Variants in TUSC3 observed in about 807,000 individuals in gnomAD.
TUSC3 encodes tumor suppressor candidate 3, also known as dolichyl-diphosphooligosaccharide--protein glycosyltransferase subunit TUSC3.
In TUSC3, 45 loss-of-function variants were observed where a neutral mutation model predicts 44.8. The observed-to-expected ratio is 1.00, with a 90% CI of 0.79 to 1.29. TUSC3 has a LOEUF of 1.29. TUSC3 is among the 50% of genes most tolerant of loss of function. The pLI, the probability that TUSC3 is intolerant of heterozygous loss-of-function variation, is 0.00. For missense variants in TUSC3, 519 were observed against 437.9 expected (o/e 1.19, Z -1.65); for synonymous variants, 212 against 152.9 (o/e 1.39, Z -2.85).
intron 1 of TUSC3, among the ~76,000 whole-genome samples, chr8:15,581,950 C>T (rs1452090755): frequency 2.7e-5 from 4 of 150,242 alleles, no homozygotes; most frequent in South Asian, 2.1e-4. Flanking sequence ...GCTGTGCTAG[C>T]AGTCAGCGAG....
At position 15,494,532 on chromosome 8, in the gene TUSC3, TG is replaced by T. The variant is rs376462659; in HGVS notation, n.189+11051del. 7.9e-5 allele frequency among the ~76,000 whole-genome samples: 12 copies of T among 152,272 alleles called. No individual in the cohort carries two copies. In the East Asian group the frequency reaches 1.9e-3, roughly 25 times the overall value. On this transcript the variant is annotated intron_variant and non_coding_transcript_variant, in intron 2 of 5. Coordinates refer to the TUSC3 transcript ENST00000503191. ...CGGGGTTTCACTGTGTTAGCCAGGA[TG>T]GTCTCAATCTCTTGACGTCGTGATC...
intron 1 of TUSC3, among the ~76,000 whole-genome samples, chr8:15,474,685 T>G (rs1317429982): frequency 6.6e-6 from 1 of 152,196 alleles, no homozygotes; most frequent in Admixed American, 6.5e-5. Context: ...AGTTAATACG[T>G]ATATTTGTTT....
chr8:15,499,772 C>G (rs991857495), intron 2 of TUSC3, among the ~76,000 whole-genome samples: 1 of 152,074 alleles, frequency 6.6e-6, no homozygotes, highest in Non-Finnish European at 1.5e-5. Context: ...CAGTCTTCTC[C>G]CTACACCATT....
Position 15,624,621 on chromosome 8 carries a change from C to G in TUSC3, c.308+1372C>G, listed in dbSNP as rs1270548909. Among the ~76,000 whole-genome samples the G allele has an allele frequency of 3.3e-5, 5 of 152,112 alleles. No individual in the cohort carries two copies. In the South Asian group the frequency reaches 8.3e-4, roughly 25 times the overall value. Reference sequence around the variant, plus strand: ...CTATGTATCATCTTTAATGAAGTATCTGTTCATAGTCTTCTGCCCCTTTCT... The same window carrying G: ...CTATGTATCATCTTTAATGAAGTATGTGTTCATAGTCTTCTGCCCCTTTCT... On this transcript the variant is annotated intron_variant, in intron 2 of 10. Transcript: ENST00000503731.
chr8:15,714,135 C>A (rs1339199601), intron 6 of TUSC3, among the ~76,000 whole-genome samples: 1 of 152,066 alleles, frequency 6.6e-6, no homozygotes, highest in Non-Finnish European at 1.5e-5. Flanking sequence ...TGGTACAAAG[C>A]ATTTTGAAGA....
At chr8:15,484,429 T>C (rs931945952) in intron 2 of TUSC3, among the ~76,000 whole-genome samples, 4 of 152,226 alleles carry the variant, frequency 2.6e-5, no homozygotes, top group African/African-American at 9.6e-5. Context: ...CTGAAGTAAA[T>C]AAACGCTTTT....
At chr8:15,588,072 A>T (rs561846799) in intron 1 of TUSC3, among the ~76,000 whole-genome samples, 26 of 152,066 alleles carry the variant, frequency 1.7e-4, no homozygotes, top group Non-Finnish European at 2.9e-4. Flanking sequence ...TTGGATAAAT[A>T]CTCAGTAGTG....
intron 6 of TUSC3, among the ~76,000 whole-genome samples, chr8:15,701,195 G>A (rs1202727470): frequency 6.6e-6 from 1 of 152,072 alleles, no homozygotes; most frequent in Non-Finnish European, 1.5e-5. Flanking sequence ...ATATTTCCCT[G>A]TAATAATCAA....
chr8:15,585,351 T>G (rs1803552168), intron 1 of TUSC3, among the ~76,000 whole-genome samples: 1 of 152,168 alleles, frequency 6.6e-6, no homozygotes, highest in African/African-American at 2.4e-5. Flanking sequence ...TGTAGCAGTT[T>G]CTTATTCTGA....
At chr8:15,734,079 A>C (rs974014799) in intron 7 of TUSC3, among the ~76,000 whole-genome samples, 2 of 152,280 alleles carry the variant, frequency 1.3e-5, no homozygotes, top group African/African-American at 4.8e-5. Flanking sequence ...TTCTGATTCT[A>C]GTTTCATTTG....
chr8:15,657,610 C>G (rs1037832232), intron 3 of TUSC3, among the ~76,000 whole-genome samples: 51 of 152,190 alleles, frequency 3.4e-4, no homozygotes, highest in Non-Finnish European at 6.8e-4. Flanking sequence ...TGCACCTCCC[C>G]TCTTCTTCTG....
At chr8:15,440,843 G>C (rs1443353138) in intron 1 of TUSC3, among the ~76,000 whole-genome samples, 1 of 152,146 alleles carries the variant, frequency 6.6e-6, no homozygotes, top group Non-Finnish European at 1.5e-5. Flanking sequence ...ACCAGCTTTA[G>C]GTTGGAGATG....
chr8:15,825,829 A>G, the TUSC3 span, among the ~76,000 whole-genome samples: 1 of 148,072 alleles, frequency 6.8e-6, no homozygotes, highest in African/African-American at 2.5e-5. Flanking sequence ...TCTTAACTGT[A>G]TGGTAATTCT....
the TUSC3 span, among the ~76,000 whole-genome samples, chr8:15,845,712 GA>G: frequency 1.3e-5 from 2 of 152,090 alleles, no homozygotes; most frequent in East Asian, 3.9e-4. Flanking sequence ...TAGGGGTTTG[GA>G]AAAGTGAACA....
intron 1 of TUSC3, among the ~76,000 whole-genome samples, chr8:15,544,094 T>G (rs930141108): frequency 1.3e-5 from 2 of 152,210 alleles, no homozygotes; most frequent in Non-Finnish European, 2.9e-5. Context: ...TAGTCACTTT[T>G]CTTAATTACA....
intron 3 of TUSC3, among the ~76,000 whole-genome samples, chr8:15,651,646 C>T (rs1239081105): frequency 6.6e-6 from 1 of 152,180 alleles, no homozygotes; most frequent in Non-Finnish European, 1.5e-5. Context: ...AGGAGCCTCA[C>T]CCGAAACCAA....
chr8:15,815,986 G>C, the TUSC3 span, among the ~76,000 whole-genome samples: 8,817 of 152,148 alleles, frequency 0.058, 840 homozygotes, highest in African/African-American at 0.2. Context: ...TTTCTGGCAG[G>C]GTTGTCAGAA....
chr8:15,659,034 G>T (rs1807301517), intron 3 of TUSC3, among the ~76,000 whole-genome samples: 2 of 152,060 alleles, frequency 1.3e-5, no homozygotes, highest in Admixed American at 6.5e-5. Context: ...CTTTACATTT[G>T]TAATAGGGAA....
chr8:15,513,141 G>A (rs970255759), intron 2 of TUSC3, among the ~76,000 whole-genome samples: 2 of 151,304 alleles, frequency 1.3e-5, no homozygotes, highest in Admixed American at 1.3e-4. Context: ...ACTCACAAAT[G>A]AGTGTGACAT....
Sources: gnomAD v4.1 joint callset for allele counts (sites outside exome capture counted in the v4.1 genomes callset) on GRCh38, gnomAD v4.1.1 for gene constraint, MANE v1.5 for transcripts, NCBI Gene and HGNC (gene_info 2026-07-23, HGNC 2026-07-21) for gene names.